Variants in BPTF observed in about 807,000 individuals in gnomAD.
BPTF encodes nucleosome-remodeling factor subunit BPTF.
A neutral mutation model predicts 292.5 loss-of-function variants in BPTF; 18 were observed. The observed-to-expected ratio is 0.06, with a 90% CI of 0.04 to 0.09. BPTF has a LOEUF of 0.09. BPTF is among the 10% of genes least tolerant of loss of function. BPTF has a pLI of 1.00. For missense variants in BPTF, 2,726 were observed against 3,498.7 expected, an observed-to-expected ratio of 0.78 and a Z score of 5.57; for synonymous variants, 1,225 against 1,251.9, an observed-to-expected ratio of 0.98 and a Z score of 0.45.
In BPTF at chr17:67,893,307, A is replaced by G. The variant is rs2061244946; in HGVS notation, c.2056-63A>G. On this transcript the variant is annotated intron_variant, in intron 5 of 27. Transcript: ENST00000306378. ...AATTTTAATTATTGAAAGACAGTTG[A>G]TTAGATGAAATTCACATCTTTGATT... 4 of 980,150 alleles carry G rather than the reference A, an allele frequency of 4.1e-6. No homozygotes were observed. The South Asian group carries it at 5.6e-5, about 14-fold the overall frequency. 60.7% of individuals were successfully genotyped at this position (980,150 alleles called of 1,614,324 possible). A position where few individuals can be genotyped will look rare whatever the true frequency, so the allele number is the denominator to read the frequency against.
At chr17:67,840,641 T>TC (rs1422051410) in intron 1 of BPTF, among the ~76,000 whole-genome samples, 1 of 151,962 alleles carries the variant, frequency 6.6e-6, no homozygotes, top group Non-Finnish European at 1.5e-5. Context: ...AGCCCGTCAT[T>TC]CCCCGCCTAC....
intron 16 of BPTF, chr17:67,929,081 A>G (rs2064146583): frequency 1.5e-6 from 2 of 1,300,338 alleles, no homozygotes; most frequent in African/African-American, 1.5e-5. Context: ...TCCTGCAAAC[A>G]GCAAGATTGT....
chr17:67,963,271 T>G, intron 24 of BPTF: 2 of 1,435,260 alleles, frequency 1.4e-6, no homozygotes, highest in Non-Finnish European at 1.8e-6. Flanking sequence ...GGAAGACAGA[T>G]TTAAGTACCA....
intron 7 of BPTF, among the ~76,000 whole-genome samples, chr17:67,899,674 G>A (rs2061692161): frequency 6.6e-6 from 1 of 151,626 alleles, no homozygotes; most frequent in Non-Finnish European, 1.5e-5. Context: ...GGTATTATAG[G>A]CGTGTGCCAC....
chr17:67,911,768 C>A lies in BPTF; in HGVS notation c.3884C>A (p.Thr1295Asn). The change falls in exon 11 of 28, where the codon ACC (threonine) becomes AAC (asparagine). Residue 1295 changes from threonine (T) to asparagine (N), a missense_variant. Thr to Asn is a moderately conservative substitution (Grantham distance 65). Around this residue, in one of 22 missense-constraint regions of BPTF, gnomAD observed 713 missense variants for 714.9 expected, o/e 1.00. Transcript: ENST00000306378. The stretch of plus-strand genomic sequence containing the variant: ...AGCACTTTGGAAAATAGTTCTGATA[C>A]CGTGTCTATTCAGGATAGCAGTGAA... ...SNSTLENSSD[T>N]VSIQDSSEED... The A allele has an allele frequency of 6.2e-7, 1 of 1,614,106 alleles. No homozygotes were observed. Among genetic ancestry groups the A allele is most frequent in the Non-Finnish European group, 8.5e-7 (1 of 1,180,012 alleles).
At chr17:67,866,112 C>T (rs1461716971) in intron 2 of BPTF, among the ~76,000 whole-genome samples, 3 of 151,974 alleles carry the variant, frequency 2.0e-5, no homozygotes, top group Non-Finnish European at 4.4e-5. Context: ...CAGAGTGAGA[C>T]CCTGTCTCTA....
chr17:67,961,261 C>T (rs2067455485), intron 24 of BPTF, among the ~76,000 whole-genome samples: 1 of 152,132 alleles, frequency 6.6e-6, no homozygotes, highest in African/African-American at 2.4e-5. Flanking sequence ...GAGATTGCCT[C>T]ATTATTTTGT....
chr17:67,963,022 C>G (rs2067668654), intron 24 of BPTF, among the ~76,000 whole-genome samples: 1 of 152,156 alleles, frequency 6.6e-6, no homozygotes, highest in Non-Finnish European at 1.5e-5. Flanking sequence ...TACACACATT[C>G]ATTCAGAGGA....
chr17:67,858,078 G>A (rs1800046497), intron 2 of BPTF, among the ~76,000 whole-genome samples: 1 of 152,170 alleles, frequency 6.6e-6, no homozygotes, highest in South Asian at 2.1e-4. Flanking sequence ...GAGCCACCGT[G>A]CCCGGCTAAC....
chr17:67,976,685 C>CAAAAAAAAA (rs1156404121), intron 27 of BPTF, among the ~76,000 whole-genome samples: 3 of 24,832 alleles, frequency 1.2e-4, no homozygotes, highest in African/African-American at 2.0e-4. Flanking sequence ...GACCCTGTCT[C>CAAAAAAAAA]AAAAAAAAAA....
intron 23 of BPTF, among the ~76,000 whole-genome samples, chr17:67,950,047 G>A (rs1452397643): frequency 1.0e-4 from 6 of 58,420 alleles, no homozygotes; most frequent in Non-Finnish European, 3.2e-5. Flanking sequence ...GAATGAGACT[G>A]TCTCAAAAAA....
intron 21 of BPTF, 58 bp downstream of exon 21, chr17:67,946,383 T>A: frequency 6.4e-7 from 1 of 1,567,664 alleles, no homozygotes. Flanking sequence ...TGCTGTGCAG[T>A]AGAATTAGTG....
chr17:67,838,668 C>T (rs530881799), intron 1 of BPTF, among the ~76,000 whole-genome samples: 3 of 152,166 alleles, frequency 2.0e-5, no homozygotes, highest in African/African-American at 7.2e-5. Flanking sequence ...TTAGTAGAGA[C>T]GAGGTTTCAC....
At chr17:67,872,766 A>G (rs1316489750) in intron 3 of BPTF, among the ~76,000 whole-genome samples, 2 of 152,188 alleles carry the variant, frequency 1.3e-5, no homozygotes. Context: ...GATAATCGGT[A>G]ACTACATTTT....
intron 1 of BPTF, among the ~76,000 whole-genome samples, chr17:67,834,106 T>G (rs1196595788): frequency 6.6e-6 from 1 of 152,200 alleles, no homozygotes; most frequent in African/African-American, 2.4e-5. Context: ...CAGCCTGCCT[T>G]CTCTGATCAC....
intron 21 of BPTF, among the ~76,000 whole-genome samples, chr17:67,946,865 G>A (rs1394750234): frequency 1.3e-5 from 2 of 152,234 alleles, no homozygotes; most frequent in African/African-American, 2.4e-5. Flanking sequence ...ATTTAGATGA[G>A]TTAGAATTAG....
At chr17:67,935,970 A>AT (rs2064879726) in intron 18 of BPTF, among the ~76,000 whole-genome samples, 1 of 152,230 alleles carries the variant, frequency 6.6e-6, no homozygotes, top group African/African-American at 2.4e-5. Context: ...TATTGTGCTT[A>AT]TAAATTGAAT....
At position 67,854,875 on chromosome 17, in the gene BPTF, T is replaced by C. The variant is rs1261066290; in HGVS notation, c.1436+113T>C. On this transcript the variant is annotated intron_variant, in intron 2 of 27. Coordinates refer to ENST00000306378, the MANE Select transcript of BPTF (RefSeq NM_182641.4). The surrounding 1 kb of genome is among the most constrained non-coding windows in gnomAD (Gnocchi z 5.6). ...TGTGGTATAAACCTTTGTAACTTAA[T>C]AGTTATACAGTTAAATAATTTCTTA... 4 of 701,622 alleles carry C rather than the reference T, an allele frequency of 5.7e-6. No homozygotes were observed. Among genetic ancestry groups the C allele is most frequent in the Non-Finnish European group, 9.4e-6 (4 of 425,978 alleles). 43.5% of individuals were successfully genotyped at this position (701,622 alleles called of 1,614,324 possible).
At chr17:67,947,256 T>C (rs1250858151) in intron 21 of BPTF, among the ~76,000 whole-genome samples, 1 of 152,220 alleles carries the variant, frequency 6.6e-6, no homozygotes, top group Non-Finnish European at 1.5e-5. Context: ...TTACTGTGTA[T>C]CTATAAACTG....
Sources: gnomAD v4.1 joint callset for allele counts (sites outside exome capture counted in the v4.1 genomes callset) on GRCh38, gnomAD v4.1.1 for gene constraint, gnomAD v4.1.1 regional missense constraint, Gnocchi (gnomAD v3.1) non-coding constraint, MANE v1.5 for transcripts, NCBI Gene and HGNC (gene_info 2026-07-23, HGNC 2026-07-21) for gene names.